Variants in AP2S1 observed in about 807,000 individuals in gnomAD.
The protein encoded by AP2S1 is AP-2 complex subunit sigma.
Under a neutral mutation model 21.0 loss-of-function variants are expected in AP2S1, and 6 were observed. The observed-to-expected ratio is 0.29, with a 90% confidence interval of 0.16 to 0.56. The LOEUF (loss-of-function observed/expected upper bound fraction) is 0.56, where lower values mean the gene tolerates loss of function less well. Among genes scored for constraint, AP2S1 ranks in the 20% least tolerant of loss-of-function variants. The probability of loss-of-function intolerance (pLI) is 0.92; values close to 1 mark genes in which losing one functional copy is unlikely to be tolerated. For synonymous variants in AP2S1, 63 were observed against 74.6 expected (o/e 0.84, Z 0.80); for missense variants, 60 against 186.2 (o/e 0.32, Z 3.95).
At chr19:46,844,146 A>G (rs10420775) in intron 2 of AP2S1, among the ~76,000 whole-genome samples, 40,289 of 151,686 alleles carry the variant, frequency 0.27, 8,390 homozygotes, top group African/African-American at 0.56. Context: ...CTTGTGATCC[A>G]CCCACCTTGG....
chr19:46,843,122 C>CG (rs1183428916), intron 2 of AP2S1, among the ~76,000 whole-genome samples: 1 of 152,158 alleles, frequency 6.6e-6, no homozygotes, highest in Non-Finnish European at 1.5e-5. Context: ...CCATCCTACC[C>CG]GGGGGCTCAA....
At chr19:46,847,235 CT>C (rs755228711) in intron 1 of AP2S1, among the ~76,000 whole-genome samples, 2,011 of 141,768 alleles carry the variant, frequency 0.014, 12 homozygotes, top group South Asian at 0.031. Flanking sequence ...AAAATCACCA[CT>C]TTTTTTTTTT....
intron 2 of AP2S1, chr19:46,845,548 T>C: frequency 1.3e-5 from 2 of 153,684 alleles, no homozygotes; most frequent in Non-Finnish European, 2.9e-5. Flanking sequence ...CCCAAAGTGC[T>C]GGGATTACAG....
chr19:46,849,275 G>T (rs1039206475), intron 1 of AP2S1, among the ~76,000 whole-genome samples: 1 of 152,226 alleles, frequency 6.6e-6, no homozygotes, highest in South Asian at 2.1e-4. Flanking sequence ...CAAAGTGCTG[G>T]GATTACAGGC....
chr19:46,843,014 G>T (rs1397253185), intron 2 of AP2S1, among the ~76,000 whole-genome samples: 1 of 152,048 alleles, frequency 6.6e-6, no homozygotes, highest in African/African-American at 2.4e-5. Context: ...ATCTCTGCTG[G>T]GATGTGGACG....
chr19:46,844,313 C>T (rs1301139168), intron 2 of AP2S1, among the ~76,000 whole-genome samples: 1 of 152,174 alleles, frequency 6.6e-6, no homozygotes, highest in Non-Finnish European at 1.5e-5. Context: ...TTCATCTCCT[C>T]CCCTTCCTGG....
At chr19:46,844,192 C>A (rs145749862) in intron 2 of AP2S1, among the ~76,000 whole-genome samples, 3 of 151,998 alleles carry the variant, frequency 2.0e-5, no homozygotes, top group African/African-American at 7.2e-5. Context: ...AGTGAGCCAC[C>A]GCGCCCGGCC....
At chr19:46,848,244 G>T (rs574405608) in intron 1 of AP2S1, among the ~76,000 whole-genome samples, 1 of 152,022 alleles carries the variant, frequency 6.6e-6, no homozygotes. Context: ...TGGGGGGCAG[G>T]GGGGAGGCGG....
rs1487903975 is a variant in AP2S1, at chr19:46,838,390, G to A, written c.*57C>T. ...CTGGGTTGGCCACGGGCCTGGGAAGGGGAAGCGAGCAGGCGAGTCCAGGAG... is the reference window on the plus strand; with the variant it reads ...CTGGGTTGGCCACGGGCCTGGGAAGAGGAAGCGAGCAGGCGAGTCCAGGAG... On this transcript the variant is annotated 3_prime_UTR_variant, in exon 5 of 5. Coordinates refer to ENST00000263270, the MANE Select transcript of AP2S1 (RefSeq NM_004069.6). The surrounding 1 kb of genome is among the most constrained non-coding windows in gnomAD (Gnocchi z 4.1). The A allele has an allele frequency of 2.6e-6, 4 of 1,561,918 alleles. No individual in the cohort carries two copies. The African/African-American group carries it at 4.1e-5, about 16-fold the overall frequency.
chr19:46,846,441 G>GC (rs1485966279), intron 1 of AP2S1, among the ~76,000 whole-genome samples: 1 of 104,658 alleles, frequency 9.6e-6, no homozygotes, highest in African/African-American at 4.2e-5. Flanking sequence ...ATCTCTCTCT[G>GC]TTTTTTTTTT....
chr19:46,850,344 C>T (rs2055716132), intron 1 of AP2S1: 28 of 1,243,016 alleles, frequency 2.3e-5, no homozygotes, highest in Admixed American at 4.1e-5. Flanking sequence ...CCTCCCTCCC[C>T]TTTTCCAAGG....
intron 1 of AP2S1, among the ~76,000 whole-genome samples, chr19:46,848,418 G>C (rs2055674514): frequency 6.6e-6 from 1 of 152,108 alleles, no homozygotes; most frequent in Non-Finnish European, 1.5e-5. Context: ...ATAGTACAGT[G>C]ACTGGCACGT....
In AP2S1 at chr19:46,842,938, G is replaced by C. The variant is rs554074994; in HGVS notation, c.153+3055C>G. 9.9e-5 allele frequency among the ~76,000 whole-genome samples: 15 copies of C among 152,192 alleles called. No homozygotes were observed. The South Asian group carries it at 2.5e-3, about 25-fold the overall frequency. On this transcript the variant is annotated intron_variant, in intron 2 of 4. Transcript: ENST00000263270. Reference sequence around the variant, plus strand: ...TGGCCTCGGTTTCCCTCTATGTGCAGAAATGCCGTTTCCATATCCTACCCA... The same window carrying C: ...TGGCCTCGGTTTCCCTCTATGTGCACAAATGCCGTTTCCATATCCTACCCA...
intron 1 of AP2S1, among the ~76,000 whole-genome samples, chr19:46,849,406 T>A (rs980306431): frequency 2.4e-4 from 8 of 32,784 alleles, no homozygotes; most frequent in Non-Finnish European, 5.2e-4. Context: ...TTCCAAGAAC[T>A]CCTGCTGAGC....
chr19:46,847,321 C>A (rs2122800091), intron 1 of AP2S1, among the ~76,000 whole-genome samples: 1 of 151,958 alleles, frequency 6.6e-6, no homozygotes, highest in East Asian at 1.9e-4. Flanking sequence ...GCAACCTCCA[C>A]CTCCTGGGTG....
chr19:46,849,731 G>C (rs776674562), intron 1 of AP2S1, among the ~76,000 whole-genome samples: 5 of 151,632 alleles, frequency 3.3e-5, no homozygotes, highest in Non-Finnish European at 5.9e-5. Context: ...CTCTGGAGTT[G>C]TTCCCTTTTG....
intron 2 of AP2S1, 53 bp downstream of exon 2, chr19:46,845,940 G>A (rs562014612): frequency 1.9e-5 from 31 of 1,609,028 alleles, no homozygotes; most frequent in African/African-American, 1.3e-4. Context: ...AGGGAGTGGC[G>A]AAGTAGGGCA....
intron 1 of AP2S1, chr19:46,850,168 A>G: frequency 8.1e-7 from 1 of 1,232,288 alleles, no homozygotes. Flanking sequence ...GCGCTTTCCC[A>G]GACCCTTAAG....
chr19:46,838,917 G>T lies in AP2S1; in HGVS notation c.268-118C>A. 2.4e-6 allele frequency: 2 copies of T among 828,522 alleles called. No homozygotes were observed. The highest frequency in any genetic ancestry group is 2.6e-5 in the East Asian group (1 of 38,296). 51.3% of individuals were successfully genotyped at this position (828,522 alleles called of 1,614,324 possible). A position where few individuals can be genotyped will look rare whatever the true frequency, so the allele number is the denominator to read the frequency against. On this transcript the variant is annotated intron_variant, in intron 3 of 4. Transcript: ENST00000263270. This position sits in a 1 kb window ranked among gnomAD's most constrained non-coding sequence, Gnocchi z 4.1. Reference sequence around the variant, plus strand: ...AAAAAAGAGACCAAGGGGGAGGCAGGGGAGAGAGAGAGACAGTGACAGGGA... The same window carrying T: ...AAAAAAGAGACCAAGGGGGAGGCAGTGGAGAGAGAGAGACAGTGACAGGGA...
Sources: gnomAD v4.1 joint callset for allele counts (sites outside exome capture counted in the v4.1 genomes callset) on GRCh38, gnomAD v4.1.1 for gene constraint, Gnocchi (gnomAD v3.1) non-coding constraint, MANE v1.5 for transcripts, NCBI Gene and HGNC (gene_info 2026-07-23, HGNC 2026-07-21) for gene names.